IQSEC1: variants seen among roughly 807,000 people sequenced by gnomAD.
IQSEC1 encodes IQ motif and Sec7 domain ArfGEF 1, also known as IQ motif and SEC7 domain-containing protein 1.
In IQSEC1, 31 loss-of-function variants were observed where a neutral mutation model predicts 91.0. That is an observed-to-expected ratio of 0.34 (90% confidence interval 0.26 to 0.46). IQSEC1 has a LOEUF of 0.46. IQSEC1 is among the 20% of genes least tolerant of loss of function. The pLI is 1.00. For synonymous variants in IQSEC1, 699 were observed against 662.6 expected, an observed-to-expected ratio of 1.05 and a Z score of -0.84; for missense variants, 1,388 against 1,575.6, an observed-to-expected ratio of 0.88 and a Z score of 2.02.
At chr3:13,188,344 G>C (rs936790942) in intron 1 of IQSEC1, among the ~76,000 whole-genome samples, 1 of 152,204 alleles carries the variant, frequency 6.6e-6, no homozygotes, top group Admixed American at 6.5e-5. Flanking sequence ...TCCCAGACCA[G>C]CTATCAGAGC....
intron 1 of IQSEC1, among the ~76,000 whole-genome samples, chr3:12,997,871 A>G (rs527326894): frequency 1.3e-4 from 20 of 152,390 alleles, no homozygotes; most frequent in African/African-American, 4.3e-4. Flanking sequence ...TGGGACCACC[A>G]TCATATATGT....
chr3:13,283,028 G>T (rs933239733), exon 1 of IQSEC1, among the ~76,000 whole-genome samples: 9 of 145,314 alleles, frequency 6.2e-5, no homozygotes, highest in Admixed American at 6.1e-4. Flanking sequence ...AGCGGGCGGC[G>T]GGGCGGCGGC....
chr3:13,038,262 G>GTGTATATATATATATATATATA (rs1491471643), intron 1 of IQSEC1, among the ~76,000 whole-genome samples: 1 of 101,232 alleles, frequency 9.9e-6, no homozygotes, highest in Non-Finnish European at 1.9e-5. Flanking sequence ...GTGTGTGTGT[G>GTGTATATATATATATATATATA]TATATATATA....
chr3:13,281,508 C>A (rs1576321977), intron 1 of IQSEC1, among the ~76,000 whole-genome samples: 1 of 152,170 alleles, frequency 6.6e-6, no homozygotes, highest in Admixed American at 6.5e-5. Flanking sequence ...CACAATGCTC[C>A]TCCTCCAAAG....
At chr3:12,947,993 C>A (rs2125401933) in intron 1 of IQSEC1, among the ~76,000 whole-genome samples, 1 of 152,368 alleles carries the variant, frequency 6.6e-6, no homozygotes, top group African/African-American at 2.4e-5. Context: ...CCTCCTGCTG[C>A]CCCGCCCCAC....
chr3:13,268,050 C>T (rs1360945089), intron 1 of IQSEC1, among the ~76,000 whole-genome samples: 1 of 152,190 alleles, frequency 6.6e-6, no homozygotes, highest in Non-Finnish European at 1.5e-5. Context: ...GAGTCCTGTC[C>T]GTGAGGGACA....
At chr3:13,160,729 C>G (rs1043220634) in intron 2 of IQSEC1, among the ~76,000 whole-genome samples, 1 of 152,192 alleles carries the variant, frequency 6.6e-6, no homozygotes, top group African/African-American at 2.4e-5. Flanking sequence ...TGAACATGTG[C>G]CTGTTCTGTG....
chr3:13,024,187 A>C (rs1286768258), intron 1 of IQSEC1, among the ~76,000 whole-genome samples: 1 of 152,048 alleles, frequency 6.6e-6, no homozygotes, highest in Non-Finnish European at 1.5e-5. Flanking sequence ...TACCCGCTTT[A>C]TCTCTACCCA....
At position 12,945,342 on chromosome 3, in the gene IQSEC1, C is replaced by G. The variant is rs1161648164; in HGVS notation, c.24-3477G>C. 2.0e-5 allele frequency among the ~76,000 whole-genome samples: 3 copies of G among 152,070 alleles called. No individual in the cohort carries two copies. The East Asian group carries it at 5.8e-4, about 29-fold the overall frequency. On this transcript the variant is annotated intron_variant, in intron 1 of 13. Coordinates refer to ENST00000613206, the MANE Select transcript of IQSEC1 (RefSeq NM_001134382.3). The stretch of plus-strand genomic sequence containing the variant: ...AGAACATGCTTGGGAGTGGCCGGGC[C>G]TCCCTCTCCAGGAAGGGAAGGCCTG...
chr3:13,018,968 C>T lies in IQSEC1; in HGVS notation c.23+54024G>A, dbSNP rs142284283. 2.1e-3 allele frequency among the ~76,000 whole-genome samples: 325 copies of T among 152,326 alleles called. 1 individual carries two copies. Among genetic ancestry groups the T allele is most frequent in the African/African-American group, 7.4e-3 (307 of 41,570 alleles). ...CCCCCTAAGCCCCCACGCTGAGACT[C>T]AGAGGACAAGGAGGGGGTGCCACAG... On this transcript the variant is annotated intron_variant, in intron 1 of 13. Coordinates refer to ENST00000613206, the MANE Select transcript of IQSEC1 (RefSeq NM_001134382.3).
At chr3:13,127,511 G>A (rs921119976) in intron 2 of IQSEC1, among the ~76,000 whole-genome samples, 1 of 151,856 alleles carries the variant, frequency 6.6e-6, no homozygotes, top group East Asian at 1.9e-4. Context: ...ATATCATACT[G>A]TCTTGATTAT....
At chr3:13,029,140 T>A (rs1308085429) in intron 1 of IQSEC1, among the ~76,000 whole-genome samples, 2 of 152,250 alleles carry the variant, frequency 1.3e-5, no homozygotes, top group African/African-American at 4.8e-5. Flanking sequence ...CTTGAAAGTT[T>A]CTGGCTATGG....
At chr3:13,239,683 C>T (rs1167507380) in intron 1 of IQSEC1, among the ~76,000 whole-genome samples, 1 of 152,254 alleles carries the variant, frequency 6.6e-6, no homozygotes, top group African/African-American at 2.4e-5. Context: ...ACAGGGGTTC[C>T]CAGCCGTGTG....
intron 1 of IQSEC1, among the ~76,000 whole-genome samples, chr3:13,220,606 C>T (rs941217938): frequency 3.9e-5 from 6 of 152,224 alleles, no homozygotes; most frequent in Admixed American, 6.5e-5. Flanking sequence ...ATTTCCTGGT[C>T]GGGACAAGGT....
At chr3:13,125,411 A>G (rs930847280) in intron 2 of IQSEC1, among the ~76,000 whole-genome samples, 4 of 152,200 alleles carry the variant, frequency 2.6e-5, no homozygotes, top group Non-Finnish European at 5.9e-5. Flanking sequence ...TGTTGCTTAA[A>G]TCACAGTCAT....
chr3:12,970,872 G>A lies in IQSEC1; in HGVS notation c.24-29007C>T, dbSNP rs1700859102. 6.6e-6 allele frequency among the ~76,000 whole-genome samples: 1 copy of A among 152,214 alleles called. No individual in the cohort carries two copies. Among genetic ancestry groups the A allele is most frequent in the Non-Finnish European group, 1.5e-5 (1 of 68,040 alleles). ...AGCTGTATTCCAACTGCCAGGGCTGGTTCTATGTCCTTCCCTGCAGCAGCC... is the reference window on the plus strand; with the variant it reads ...AGCTGTATTCCAACTGCCAGGGCTGATTCTATGTCCTTCCCTGCAGCAGCC... On this transcript the variant is annotated intron_variant, in intron 1 of 13. Transcript: ENST00000613206. The surrounding 1 kb of genome is among the most constrained non-coding windows in gnomAD (Gnocchi z 4.4).
intron 1 of IQSEC1, among the ~76,000 whole-genome samples, chr3:13,018,775 T>C (rs1043563883): frequency 6.6e-6 from 1 of 152,280 alleles, no homozygotes; most frequent in Admixed American, 6.5e-5. Flanking sequence ...AAACAGCCAA[T>C]GCCTCAGCAG....
At chr3:13,107,529 A>T (rs1041052894) in intron 2 of IQSEC1, among the ~76,000 whole-genome samples, 1 of 152,238 alleles carries the variant, frequency 6.6e-6, no homozygotes, top group Non-Finnish European at 1.5e-5. Flanking sequence ...AAGGCCACAG[A>T]GCTGGTAAGT....
intron 2 of IQSEC1, among the ~76,000 whole-genome samples, chr3:12,937,877 G>T (rs936901689): frequency 2.6e-5 from 4 of 152,302 alleles, no homozygotes; most frequent in Non-Finnish European, 5.9e-5. Flanking sequence ...TCCCTCATGA[G>T]CACCGCCATT....
Sources: gnomAD v4.1 joint callset for allele counts (sites outside exome capture counted in the v4.1 genomes callset) on GRCh38, gnomAD v4.1.1 for gene constraint, Gnocchi (gnomAD v3.1) non-coding constraint, MANE v1.5 for transcripts, NCBI Gene and HGNC (gene_info 2026-07-23, HGNC 2026-07-21) for gene names.